Variants in WFDC13 observed in about 807,000 individuals in gnomAD.
WFDC13 encodes the protein WAP four-disulfide core domain protein 13.
A neutral mutation model predicts 10.9 loss-of-function variants in WFDC13; 6 were observed. The observed-to-expected ratio is 0.55, with a 90% CI of 0.30 to 1.09. The LOEUF is 1.09. Among genes scored for constraint, WFDC13 ranks in the 50% least tolerant of loss-of-function variants. The pLI is 0.06. For synonymous variants in WFDC13, 38 were observed against 39.5 expected, an observed-to-expected ratio of 0.96 and a Z score of 0.14; for missense variants, 104 against 109.6, an observed-to-expected ratio of 0.95 and a Z score of 0.23.
rs1984470408 is a variant in WFDC13 at position 45,708,203 on chromosome 20, A to C, written c.*368A>C. On this transcript the variant is annotated 3_prime_UTR_variant, in exon 4 of 4. Transcript: ENST00000305479. The stretch of plus-strand genomic sequence containing the variant: ...TCACTGATTACCTGCCCTTGGTTGC[A>C]CTCATCAGGCTAATTGATCCCATAT... The C allele has an allele frequency of 6.6e-6, 1 of 152,160 alleles. No individual in the cohort carries two copies. Among genetic ancestry groups the C allele is most frequent in the Non-Finnish European group, 1.5e-5 (1 of 68,060 alleles). 9.4% of individuals were successfully genotyped at this position (152,160 alleles called of 1,614,324 possible).
At chr20:45,703,659 T>G (rs432448) in intron 1 of WFDC13, among the ~76,000 whole-genome samples, 80,982 of 151,812 alleles carry the variant, frequency 0.53, 22,844 homozygotes, top group African/African-American at 0.72. Context: ...GGTTGTGGAC[T>G]TAGGGAAGAC....
intron 2 of WFDC13, 175 bp downstream of exon 2, chr20:45,704,769 T>G (rs532865790): frequency 2.3e-6 from 3 of 1,310,818 alleles, no homozygotes; most frequent in African/African-American, 2.9e-5. Flanking sequence ...AAGTCCTGAT[T>G]AGAAAAGCCC....
chr20:45,705,289 G>A, intron 2 of WFDC13: 1 of 405,602 alleles, frequency 2.5e-6, no homozygotes, highest in East Asian at 4.9e-5. Context: ...AAGACTCACA[G>A]TGGAAGACTC....
chr20:45,708,442 TAGCACCACCTG>T lies in WFDC13; in HGVS notation c.*611_*621del, dbSNP rs1320173384. 2.0e-5 allele frequency: 3 copies of T among 152,182 alleles called. No individual in the cohort carries two copies. The highest frequency in any genetic ancestry group is 4.4e-5 in the Non-Finnish European group (3 of 68,036). The allele number at this position is 152,182 out of a possible 1,614,324, so 9.4% of individuals were successfully genotyped here. On this transcript the variant is annotated 3_prime_UTR_variant, in exon 4 of 4. Coordinates refer to ENST00000305479, the MANE Select transcript of WFDC13 (RefSeq NM_172005.2). ...TCTCCAAGGTCTTGCCCCCGGCATG[TAGCACCACCTG>T]AGCCAGAAACTGCAGAGGACATGAC... is the stretch of plus-strand genomic sequence containing the variant.
At position 45,705,064 on chromosome 20, in the gene WFDC13, A is replaced by G. The variant is rs1253127018; in HGVS notation, c.239+470A>G. ...AGTTTTGATTAATTGTCCAGACATT[A>G]ACACTAGCCGCAAGCCTGCTAAATG... On this transcript the variant is annotated intron_variant, in intron 2 of 3. Transcript: ENST00000305479. The G allele has an allele frequency of 7.5e-6, 11 of 1,457,020 alleles. No individual in the cohort carries two copies. The Admixed American group carries it at 1.8e-4, about 24-fold the overall frequency. 90.3% of individuals were successfully genotyped at this position (1,457,020 alleles called of 1,614,324 possible). A position where few individuals can be genotyped will look rare whatever the true frequency, so the allele number is the denominator to read the frequency against.
In WFDC13 at chr20:45,702,218, G is replaced by A; in HGVS notation, c.88+7G>A. On this transcript the variant is annotated splice_region_variant and intron_variant, in intron 1 of 3. Coordinates refer to ENST00000305479, the MANE Select transcript of WFDC13 (RefSeq NM_172005.2). ...CCCAAGCAGCGTGTTCTGAGTAGGT[G>A]CTGGATCTGGGCCCAAGGAGGGAAG... The A allele has an allele frequency of 6.2e-7, 1 of 1,609,802 alleles. No homozygotes were observed. The highest frequency in any genetic ancestry group is 8.5e-7 in the Non-Finnish European group (1 of 1,178,092).
intron 1 of WFDC13, among the ~76,000 whole-genome samples, chr20:45,703,091 AG>A (rs1484914415): frequency 1.3e-5 from 2 of 152,202 alleles, no homozygotes; most frequent in Non-Finnish European, 2.9e-5. Context: ...AGGCACAAAG[AG>A]GCTTTCTAAA....
chr20:45,705,137 T>C, intron 2 of WFDC13: 1 of 719,700 alleles, frequency 1.4e-6, no homozygotes, highest in African/African-American at 1.7e-5. Context: ...TGATGAGACA[T>C]ATGGTTTCTA....
Position 45,702,869 on chromosome 20 carries a change from A to G in WFDC13, c.88+658A>G, listed in dbSNP as rs533292166. On this transcript the variant is annotated intron_variant, in intron 1 of 3. Coordinates refer to ENST00000305479, the MANE Select transcript of WFDC13 (RefSeq NM_172005.2). Reference sequence around the variant, plus strand: ...TGGGAAAAGAACTGTTATTCATCATACATCCACTCTTCTATGGGGAAAACA... The same window carrying G: ...TGGGAAAAGAACTGTTATTCATCATGCATCCACTCTTCTATGGGGAAAACA... 1.2e-3 allele frequency among the ~76,000 whole-genome samples: 187 copies of G among 152,324 alleles called. 2 individuals carry two copies. Among genetic ancestry groups the G allele is most frequent in the African/African-American group, 3.5e-3 (145 of 41,548 alleles).
rs755982722 is a variant in WFDC13 at position 45,704,484 on chromosome 20, A to G, written c.129A>G (p.Glu43=). 1 of 1,614,136 alleles carries G rather than the reference A, an allele frequency of 6.2e-7. No homozygotes were observed. Among genetic ancestry groups the G allele is most frequent in the East Asian group, 2.2e-5 (1 of 44,872 alleles). ...LEPPPCISAP[E]NCTHLCTMQE... ...CTCCACCCTGCATATCAGCACCTGAAAACTGTACTCACCTGTGTACAATGC... is the reference window on the plus strand; with the variant it reads ...CTCCACCCTGCATATCAGCACCTGAGAACTGTACTCACCTGTGTACAATGC... Residue 43 remains glutamate, a synonymous_variant, in exon 2 of 4, where the codon GAA becomes GAG. Transcript: ENST00000305479.
chr20:45,704,908 G>C (rs370040493), intron 2 of WFDC13: 93 of 1,612,978 alleles, frequency 5.8e-5, no homozygotes, highest in Non-Finnish European at 7.5e-5. Flanking sequence ...TTATCCCAGG[G>C]ACACTGTACC....
chr20:45,706,040 T>G, intron 3 of WFDC13, 113 bp downstream of exon 3: 1 of 870,692 alleles, frequency 1.1e-6, no homozygotes, highest in East Asian at 2.6e-5. Context: ...GAATGGCCTC[T>G]CATTACCTGA....
At chr20:45,705,251 G>C (rs796339701) in intron 2 of WFDC13, 61 of 481,234 alleles carry the variant, frequency 1.3e-4, no homozygotes, top group African/African-American at 1.2e-3. Context: ...GTTTTTTCCT[G>C]CTTTGCAAGG....
chr20:45,704,565 T>C lies in WFDC13; in HGVS notation c.210T>C (p.Cys70=). Residue 70 remains cysteine, a synonymous_variant, in exon 2 of 4, where the codon TGT becomes TGC. Transcript: ENST00000305479. The part of the protein sequence containing the change: ...QCCSSFCGIV[C]SSETFQKRNR... ...GTTCCTCCTTCTGTGGGATAGTCTG[T>C]TCATCAGAAACATTTCAAAAGCGCA... The C allele has an allele frequency of 1.2e-6, 2 of 1,614,184 alleles. No individual in the cohort carries two copies. Among genetic ancestry groups the C allele is most frequent in the Non-Finnish European group, 1.7e-6 (2 of 1,180,028 alleles).
intron 3 of WFDC13, among the ~76,000 whole-genome samples, chr20:45,707,098 C>T (rs190482974): frequency 2.7e-3 from 407 of 152,318 alleles, no homozygotes; most frequent in Non-Finnish European, 4.9e-3. Flanking sequence ...GCCCAGGCTC[C>T]GGTGAGCCCA....
At chr20:45,706,802 C>T (rs1984410641) in intron 3 of WFDC13, among the ~76,000 whole-genome samples, 3 of 151,688 alleles carry the variant, frequency 2.0e-5, no homozygotes, top group Non-Finnish European at 1.5e-5. Context: ...TGGGAATCAT[C>T]TTTATTATTT....
intron 2 of WFDC13, among the ~76,000 whole-genome samples, chr20:45,705,391 G>C (rs1257003174): frequency 6.6e-6 from 1 of 152,144 alleles, no homozygotes; most frequent in Non-Finnish European, 1.5e-5. Flanking sequence ...ATAATGTGCA[G>C]AGTGATTAAG....
At chr20:45,704,417 C>T (rs1039502217) in intron 1 of WFDC13, 27 bp from the exon 2 acceptor site, 18 of 1,600,026 alleles carry the variant, frequency 1.1e-5, no homozygotes, top group Non-Finnish European at 1.5e-5. Flanking sequence ...TTGGTGAGGC[C>T]CTTCTCTTAC....
intron 3 of WFDC13, among the ~76,000 whole-genome samples, 196 bp downstream of exon 3, chr20:45,706,123 C>G (rs1054676531): frequency 6.6e-6 from 1 of 152,162 alleles, no homozygotes; most frequent in Non-Finnish European, 1.5e-5. Context: ...TGCAGTCCAG[C>G]ATGAATTCTG....
Sources: gnomAD v4.1 joint callset for allele counts (sites outside exome capture counted in the v4.1 genomes callset) on GRCh38, gnomAD v4.1.1 for gene constraint, MANE v1.5 for transcripts, NCBI Gene and HGNC (gene_info 2026-07-23, HGNC 2026-07-21) for gene names.